The following AGPAT4 variants were observed in gnomAD, a reference collection of about 807,000 sequenced individuals.
AGPAT4 encodes 1-acylglycerol-3-phosphate O-acyltransferase 4.
Under a neutral mutation model 48.0 loss-of-function variants are expected in AGPAT4, and 15 were observed. The ratio of observed to expected loss-of-function variants is 0.31; its 90% confidence interval spans 0.21 to 0.48. The LOEUF is 0.48. AGPAT4 is among the 20% of genes least tolerant of loss of function. AGPAT4 has a pLI of 0.99. For missense variants in AGPAT4, 314 were observed against 482.5 expected (o/e 0.65, Z 3.27); for synonymous variants, 178 against 198.7 (o/e 0.90, Z 0.88).
chr6:161,138,414 A>G lies in AGPAT4; in HGVS notation c.1042+1008T>C, dbSNP rs1330343358. Among the ~76,000 whole-genome samples the G allele has an allele frequency of 6.6e-6, 1 of 152,148 alleles. No individual in the cohort carries two copies. Among genetic ancestry groups the G allele is most frequent in the Non-Finnish European group, 1.5e-5 (1 of 68,026 alleles). ...TGTGCTGTGACCTGTTTTGGTGGTT[A>G]TGATTCATTAGGTGAAAAGGCGAGC... On this transcript the variant is annotated intron_variant, in intron 8 of 8. Transcript: ENST00000320285. The surrounding 1 kb of genome is among the most constrained non-coding windows in gnomAD (Gnocchi z 4.8).
chr6:161,233,064 C>T lies in AGPAT4; in HGVS notation c.-89-762G>A, dbSNP rs1253226130. Among the ~76,000 whole-genome samples, 1 of 151,896 alleles carries T rather than the reference C, an allele frequency of 6.6e-6. No individual in the cohort carries two copies. Among genetic ancestry groups the T allele is most frequent in the Non-Finnish European group, 1.5e-5 (1 of 67,976 alleles). On this transcript the variant is annotated intron_variant, in intron 1 of 8. Coordinates refer to ENST00000320285, the MANE Select transcript of AGPAT4 (RefSeq NM_020133.3). The surrounding 1 kb of genome is among the most constrained non-coding windows in gnomAD (Gnocchi z 5.4). Reference sequence around the variant, plus strand: ...GAAGGTAAGAAAACTACCCCCACCACACCCTGGTCACACACACAGAGACAC... The same window carrying T: ...GAAGGTAAGAAAACTACCCCCACCATACCCTGGTCACACACACAGAGACAC...
rs372675311 is a variant in AGPAT4 at position 161,130,994 on chromosome 6, T to C, written c.*5546A>G. The C allele has an allele frequency of 8.4e-6, 4 of 477,024 alleles. No individual in the cohort carries two copies. Among genetic ancestry groups the C allele is most frequent in the African/African-American group, 5.9e-5 (3 of 51,280 alleles). The allele number at this position is 477,024 out of a possible 1,614,324, so 29.5% of individuals were successfully genotyped here. On this transcript the variant is annotated 3_prime_UTR_variant, in exon 9 of 9. Transcript: ENST00000320285. The stretch of plus-strand genomic sequence containing the variant: ...GGAATAGAAAAGGAAAAGTGACATT[T>C]GTGTAATTTATTTTGGAAATGCAAA...
At chr6:161,256,254 G>C (rs182176685) in intron 1 of AGPAT4, among the ~76,000 whole-genome samples, 6 of 152,308 alleles carry the variant, frequency 3.9e-5, no homozygotes, top group Admixed American at 2.6e-4. Flanking sequence ...GGAAGGATAC[G>C]AAAACCTGGC....
In AGPAT4 at chr6:161,206,179, G is replaced by A. The variant is rs11961305; in HGVS notation, c.178+25857C>T. ...AGACAGTAACTGCCCTACACCAACC[G>A]AACTCATGGAAAAACTGTGGCCCTA... On this transcript the variant is annotated intron_variant, in intron 2 of 8. Coordinates refer to ENST00000320285, the MANE Select transcript of AGPAT4 (RefSeq NM_020133.3). This position sits in a 1 kb window ranked among gnomAD's most constrained non-coding sequence, Gnocchi z 4.8. 0.16 allele frequency among the ~76,000 whole-genome samples: 24,080 copies of A among 151,954 alleles called. 2,899 individuals carry two copies. Among genetic ancestry groups the A allele is most frequent in the African/African-American group, 0.3 (12,505 of 41,388 alleles).
chr6:161,232,071 T>C lies in AGPAT4; in HGVS notation c.143A>G (p.Lys48Arg), dbSNP rs1406518045. The C allele has an allele frequency of 7.4e-6, 12 of 1,614,096 alleles. No individual in the cohort carries two copies. Among genetic ancestry groups the C allele is most frequent in the Non-Finnish European group, 1.0e-5 (12 of 1,179,968 alleles). The change falls in exon 2 of 9, where the codon AAG becomes AGG. Residue 48 changes from lysine to arginine, a missense_variant. Physicochemically the swap from Lys to Arg is conservative, Grantham distance 26 (BLOSUM62 2). Transcript: ENST00000320285. The surrounding 1 kb of genome is among the most constrained non-coding windows in gnomAD (Gnocchi z 6.8). ...LWPINKQLFR[K>R]INCRLSYCIS... ...GCAATAGGACAGTCTGCAGTTGATC[T>C]TCCGGAAGAGCTGCTTGTTAATGGG...
rs564082877 is a variant in AGPAT4 at position 161,266,827 on chromosome 6, G to A, written c.-90+7111C>T. Among the ~76,000 whole-genome samples the A allele has an allele frequency of 1.4e-4, 21 of 152,272 alleles. No individual in the cohort carries two copies. Among genetic ancestry groups the A allele is most frequent in the South Asian group, 8.3e-4 (4 of 4,830 alleles). ...AGTTCTTTAAAATTTCATCCGCCTC[G>A]GTTAACCTCTACCCACAGAAGACTG... On this transcript the variant is annotated intron_variant, in intron 1 of 8. Coordinates refer to ENST00000320285, the MANE Select transcript of AGPAT4 (RefSeq NM_020133.3). This position sits in a 1 kb window ranked among gnomAD's most constrained non-coding sequence, Gnocchi z 6.2.
intron 2 of AGPAT4, among the ~76,000 whole-genome samples, chr6:161,228,596 AC>A (rs1170260784): frequency 9.0e-6 from 1 of 111,190 alleles, no homozygotes; most frequent in Non-Finnish European, 1.8e-5. Flanking sequence ...TTTTTTTTTA[AC>A]CCTGACATTA....
chr6:161,156,077 G>A (rs879321386), intron 3 of AGPAT4, among the ~76,000 whole-genome samples: 9 of 152,236 alleles, frequency 5.9e-5, no homozygotes, highest in Non-Finnish European at 7.3e-5. Flanking sequence ...CGACAACTTT[G>A]ACAGTGATGC....
At chr6:161,209,007 G>A (rs1156931163) in intron 2 of AGPAT4, among the ~76,000 whole-genome samples, 3 of 152,094 alleles carry the variant, frequency 2.0e-5, no homozygotes, top group South Asian at 2.1e-4. Flanking sequence ...AACGCACATC[G>A]AACAGGAAAG....
Position 161,214,564 on chromosome 6 carries a change from G to C in AGPAT4, c.178+17472C>G, listed in dbSNP as rs576357097. On this transcript the variant is annotated intron_variant, in intron 2 of 8. Transcript: ENST00000320285. This position sits in a 1 kb window ranked among gnomAD's most constrained non-coding sequence, Gnocchi z 5.4. ...GCGGATCAATTGAAGTCAGGAGTTC[G>C]AGACCAGCCTAGCCAACATGGTGAA... is the stretch of plus-strand genomic sequence containing the variant. Among the ~76,000 whole-genome samples, 1 of 152,066 alleles carries C rather than the reference G, an allele frequency of 6.6e-6. No individual in the cohort carries two copies. The highest frequency in any genetic ancestry group is 1.5e-5 in the Non-Finnish European group (1 of 68,022).
At chr6:161,145,537 T>C (rs1779393268) in intron 7 of AGPAT4, among the ~76,000 whole-genome samples, 1 of 151,602 alleles carries the variant, frequency 6.6e-6, no homozygotes, top group South Asian at 2.1e-4. Flanking sequence ...TGGCAAGTCT[T>C]TTGGACTGAA....
chr6:161,163,613 G>A (rs535191897), intron 3 of AGPAT4, among the ~76,000 whole-genome samples: 8 of 152,226 alleles, frequency 5.3e-5, no homozygotes, highest in South Asian at 2.1e-4. Flanking sequence ...GCTCCCATCC[G>A]CCCCAGCCAG....
At chr6:161,170,989 C>T (rs1346726396) in intron 2 of AGPAT4, among the ~76,000 whole-genome samples, 1 of 152,220 alleles carries the variant, frequency 6.6e-6, no homozygotes, top group Non-Finnish European at 1.5e-5. Context: ...GGCAGTGTCA[C>T]CTCCTTTCAA....
rs755528416 is a variant in AGPAT4 at position 161,214,769 on chromosome 6, A to AAAAT, written c.178+17263_178+17266dup. Reference sequence around the variant, plus strand: ...GGGTGACAGAGGAAGACTCCGTCTCAAAATAAATAAATAAATAAATAATAA... The same window carrying AAAAT: ...GGGTGACAGAGGAAGACTCCGTCTCAAAATAAATAAATAAATAAATAAATAATAA... On this transcript the variant is annotated intron_variant, in intron 2 of 8. Coordinates refer to ENST00000320285, the MANE Select transcript of AGPAT4 (RefSeq NM_020133.3). This position sits in a 1 kb window ranked among gnomAD's most constrained non-coding sequence, Gnocchi z 5.4. 1.8e-4 allele frequency among the ~76,000 whole-genome samples: 27 copies of AAAAT among 152,264 alleles called. No homozygotes were observed. In the East Asian group the frequency reaches 1.9e-3, roughly 11 times the overall value.
intron 2 of AGPAT4, among the ~76,000 whole-genome samples, chr6:161,176,288 T>A (rs1297477890): frequency 6.6e-6 from 1 of 152,180 alleles, no homozygotes; most frequent in Non-Finnish European, 1.5e-5. Context: ...TTTGTAGGTC[T>A]CTAAGGACTT....
At position 161,225,947 on chromosome 6, in the gene AGPAT4, G is replaced by A. The variant is rs898809304; in HGVS notation, c.178+6089C>T. ...GGGTCTTTTAAATTCCTTTCCATCC[G>A]ACTTGACTCGCCAAAGCCACTGTTG... On this transcript the variant is annotated intron_variant, in intron 2 of 8. Coordinates refer to ENST00000320285, the MANE Select transcript of AGPAT4 (RefSeq NM_020133.3). This position sits in a 1 kb window ranked among gnomAD's most constrained non-coding sequence, Gnocchi z 5.0. Among the ~76,000 whole-genome samples, 4 of 151,976 alleles carry A rather than the reference G, an allele frequency of 2.6e-5. No homozygotes were observed. Among genetic ancestry groups the A allele is most frequent in the African/African-American group, 7.3e-5 (3 of 41,314 alleles).
chr6:161,156,137 C>T (rs1779761821), intron 3 of AGPAT4, among the ~76,000 whole-genome samples: 1 of 152,224 alleles, frequency 6.6e-6, no homozygotes, highest in Admixed American at 6.5e-5. Flanking sequence ...TCTCTATCTC[C>T]ATCCCTCTTA....
chr6:161,196,813 C>G lies in AGPAT4; in HGVS notation c.179-30396G>C, dbSNP rs561159127. ...AACAGAGAAAGACTCTATCTCCCCC[C>G]GCCAAAAAAAAAAAAAAAATGCCAA... On this transcript the variant is annotated intron_variant, in intron 2 of 8. Coordinates refer to ENST00000320285, the MANE Select transcript of AGPAT4 (RefSeq NM_020133.3). The surrounding 1 kb of genome is among the most constrained non-coding windows in gnomAD (Gnocchi z 4.3). Among the ~76,000 whole-genome samples, 6 of 143,902 alleles carry G rather than the reference C, an allele frequency of 4.2e-5. No homozygotes were observed. Among genetic ancestry groups the G allele is most frequent in the Admixed American group, 4.1e-4 (6 of 14,586 alleles). The allele number at this position is 143,902 out of a possible 152,430, so 94.4% of individuals were successfully genotyped here.
rs1782739230 is a variant in AGPAT4, at chr6:161,249,049, A to AAAAC, written c.-89-16751_-89-16748dup. 6.6e-6 allele frequency among the ~76,000 whole-genome samples: 1 copy of AAAAC among 152,218 alleles called. No individual in the cohort carries two copies. The highest frequency in any genetic ancestry group is 1.5e-5 in the Non-Finnish European group (1 of 68,042). ...TATCTTATCTTCAACAAAGCTGACA[A>AAAAC]AAACAAGCAATGGGGAAAGGACTCC... On this transcript the variant is annotated intron_variant, in intron 1 of 8. Transcript: ENST00000320285. The surrounding 1 kb of genome is among the most constrained non-coding windows in gnomAD (Gnocchi z 6.2).
Sources: allele counts gnomAD v4.1 joint callset (sites outside exome capture counted in the v4.1 genomes callset), GRCh38; gene constraint gnomAD v4.1.1; non-coding constraint Gnocchi (gnomAD v3.1); transcripts MANE v1.5; gene names NCBI Gene and HGNC (gene_info 2026-07-23, HGNC 2026-07-21).